WDR7: variants seen among roughly 807,000 people sequenced by gnomAD.
The protein encoded by WDR7 is WD repeat domain 7, also known as WD repeat-containing protein 7.
A neutral mutation model predicts 169.4 loss-of-function variants in WDR7; 46 were observed. The observed-to-expected ratio is 0.27, with a 90% CI of 0.21 to 0.35. WDR7 has a LOEUF of 0.35. Among genes scored for constraint, WDR7 ranks in the 10% least tolerant of loss-of-function variants. The pLI, the probability that WDR7 is intolerant of heterozygous loss-of-function variation, is 1.00. For synonymous variants in WDR7, 612 were observed against 666.8 expected, an observed-to-expected ratio of 0.92 and a Z score of 1.27; for missense variants, 1,534 against 1,859.3, an observed-to-expected ratio of 0.83 and a Z score of 3.22.
intron 2 of WDR7, among the ~76,000 whole-genome samples, chr18:56,675,761 T>C (rs2025231238): frequency 6.6e-6 from 1 of 152,026 alleles, no homozygotes; most frequent in Admixed American, 6.6e-5. Context: ...GTGGCAAGAG[T>C]GGACATCCTA....
intron 26 of WDR7, chr18:57,010,444 A>C (rs1359840596): frequency 4.0e-5 from 13 of 323,062 alleles, no homozygotes; most frequent in Non-Finnish European, 3.1e-5. Context: ...TAAATGTTAA[A>C]TTATATCAAA....
At chr18:56,777,018 C>A in intron 17 of WDR7, 138 bp downstream of exon 17, 1 of 809,204 alleles carries the variant, frequency 1.2e-6, no homozygotes, top group South Asian at 1.6e-5. Flanking sequence ...ACTTTATTTG[C>A]TAATGTCAAT....
intron 19 of WDR7, among the ~76,000 whole-genome samples, chr18:56,796,008 T>C (rs147562851): frequency 6.6e-6 from 1 of 152,366 alleles, no homozygotes; most frequent in African/African-American, 2.4e-5. Flanking sequence ...GATGACATTA[T>C]AATGAGTTTC....
intron 14 of WDR7, among the ~76,000 whole-genome samples, chr18:56,751,247 G>T (rs1266589879): frequency 6.6e-6 from 1 of 152,156 alleles, no homozygotes. Context: ...ACACCTCCCA[G>T]GAAGGGACAG....
At chr18:56,947,605 C>T (rs1303098403) in intron 25 of WDR7, among the ~76,000 whole-genome samples, 3 of 152,194 alleles carry the variant, frequency 2.0e-5, no homozygotes, top group Admixed American at 1.3e-4. Flanking sequence ...AAGTCCCTCA[C>T]GCAGAAGACC....
intron 14 of WDR7, among the ~76,000 whole-genome samples, chr18:56,754,372 CGTATATATGTGT>C (rs1358661147): frequency 2.1e-5 from 3 of 145,122 alleles, no homozygotes; most frequent in Admixed American, 6.9e-5. Context: ...TATATATACA[CGTATATATGTGT>C]ATATATACGT....
chr18:56,988,205 G>C (rs138480482), intron 26 of WDR7, among the ~76,000 whole-genome samples: 1 of 152,088 alleles, frequency 6.6e-6, no homozygotes, highest in African/African-American at 2.4e-5. Context: ...GGCTTGACAG[G>C]GAGTATGGTT....
intron 21 of WDR7, among the ~76,000 whole-genome samples, chr18:56,922,699 A>G (rs1442253805): frequency 1.3e-5 from 2 of 152,158 alleles, no homozygotes; most frequent in African/African-American, 4.8e-5. Context: ...AGATTCTTAA[A>G]GGGTTCCATG....
chr18:56,678,201 CAG>C (rs1290066007), intron 2 of WDR7, among the ~76,000 whole-genome samples: 1 of 152,184 alleles, frequency 6.6e-6, no homozygotes, highest in Non-Finnish European at 1.5e-5. Context: ...TTTCTCAAAA[CAG>C]AGAATTCAAA....
intron 1 of WDR7, among the ~76,000 whole-genome samples, chr18:56,661,858 G>A (rs572668895): frequency 2.6e-5 from 4 of 152,050 alleles, no homozygotes; most frequent in Admixed American, 6.6e-5. Context: ...GTCTTCAATT[G>A]ATTGGTGGTA....
intron 20 of WDR7, among the ~76,000 whole-genome samples, chr18:56,861,125 A>AT (rs2045798473): frequency 6.6e-6 from 1 of 151,846 alleles, no homozygotes; most frequent in South Asian, 2.1e-4. Context: ...AGTACAGTTT[A>AT]TATTCTTTTT....
chr18:56,910,113 A>G (rs935111030), intron 21 of WDR7, among the ~76,000 whole-genome samples: 1 of 152,210 alleles, frequency 6.6e-6, no homozygotes, highest in African/African-American at 2.4e-5. Flanking sequence ...ACATAATAAC[A>G]AAATTAGGAT....
intron 16 of WDR7, among the ~76,000 whole-genome samples, chr18:56,765,592 C>A (rs531599604): frequency 6.6e-6 from 1 of 151,962 alleles, no homozygotes; most frequent in African/African-American, 2.4e-5. Flanking sequence ...TGTTATAAAC[C>A]TCACAAATTA....
chr18:56,923,691 T>C (rs2145642697), intron 21 of WDR7, among the ~76,000 whole-genome samples: 1 of 152,208 alleles, frequency 6.6e-6, no homozygotes, highest in East Asian at 1.9e-4. Context: ...TTACGTACAA[T>C]ATGTAATTAA....
chr18:56,824,401 A>G (rs1377796627), intron 20 of WDR7, among the ~76,000 whole-genome samples: 1 of 152,250 alleles, frequency 6.6e-6, no homozygotes, highest in African/African-American at 2.4e-5. Context: ...TCATGTGGGC[A>G]TGTGACTTTT....
intron 19 of WDR7, among the ~76,000 whole-genome samples, chr18:56,795,117 A>G (rs1049265984): frequency 2.0e-5 from 3 of 152,252 alleles, no homozygotes; most frequent in African/African-American, 7.2e-5. Flanking sequence ...ATATGAATTC[A>G]TGGATTGAAA....
intron 25 of WDR7, among the ~76,000 whole-genome samples, chr18:56,944,965 A>T (rs926099100): frequency 4.6e-5 from 7 of 152,344 alleles, no homozygotes; most frequent in African/African-American, 1.7e-4. Context: ...TTCTAACTCC[A>T]AGATAAAACC....
At chr18:56,963,418 T>A (rs1391128724) in intron 26 of WDR7, among the ~76,000 whole-genome samples, 1 of 152,198 alleles carries the variant, frequency 6.6e-6, no homozygotes, top group African/African-American at 2.4e-5. Context: ...TTAAACTGTC[T>A]GTTAAATTTA....
downstream of WDR7, chr18:57,030,236 T>C (rs1473067502): frequency 6.6e-6 from 1 of 152,228 alleles, no homozygotes; most frequent in Admixed American, 6.5e-5. Context: ...AATAATAAAA[T>C]AGGTCCTTAC....
Sources: gnomAD v4.1 joint callset for allele counts (sites outside exome capture counted in the v4.1 genomes callset) on GRCh38, gnomAD v4.1.1 for gene constraint, MANE v1.5 for transcripts, NCBI Gene and HGNC (gene_info 2026-07-23, HGNC 2026-07-21) for gene names.